Variants in MSRA observed in about 807,000 individuals in gnomAD.
The protein encoded by MSRA is mitochondrial peptide methionine sulfoxide reductase.
A neutral mutation model predicts 31.3 loss-of-function variants in MSRA; 54 were observed. The observed-to-expected ratio is 1.73, with a 90% CI of 1.39 to 2.17. MSRA has a LOEUF of 2.17. Ranked by LOEUF, MSRA falls within the 30% of genes most tolerant of loss-of-function variation. MSRA has a pLI of 0.00. For synonymous variants in MSRA, 169 were observed against 116.5 expected, an observed-to-expected ratio of 1.45 and a Z score of -2.90; for missense variants, 507 against 300.9, an observed-to-expected ratio of 1.69 and a Z score of -5.07.
chr8:10,110,318 A>T (rs1202329154), intron 1 of MSRA, among the ~76,000 whole-genome samples: 1 of 152,082 alleles, frequency 6.6e-6, no homozygotes, highest in African/African-American at 2.4e-5. Context: ...TTATTTCTGG[A>T]TATTTTCAAG....
rs563658777 is a variant in MSRA at position 10,219,669 on chromosome 8, G to A, written c.211+11768G>A. ...AAAATACAAAAAATTAGCTGGGCGT[G>A]GCGGCGGACGCCTGTAGTCCCAGCT... On this transcript the variant is annotated intron_variant, in intron 2 of 5. Transcript: ENST00000317173. Among the ~76,000 whole-genome samples the A allele has an allele frequency of 1.0e-2, 1,517 of 151,874 alleles. 30 individuals are homozygous for A. The highest frequency in any genetic ancestry group is 0.035 in the African/African-American group (1,455 of 41,430).
chr8:10,296,066 T>C (rs567195003), intron 3 of MSRA, among the ~76,000 whole-genome samples: 4 of 152,176 alleles, frequency 2.6e-5, no homozygotes, highest in Non-Finnish European at 5.9e-5. Flanking sequence ...GATTTTTCCC[T>C]TTTGCCACTT....
In MSRA at chr8:10,204,286, GATATTT is replaced by G. The variant is rs529305737; in HGVS notation, c.143-3543_143-3538del. Among the ~76,000 whole-genome samples the G allele has an allele frequency of 5.6e-4, 86 of 152,314 alleles. 1 individual carries two copies. The East Asian group carries it at 0.014, about 25-fold the overall frequency. Reference sequence around the variant, plus strand: ...ACAATTTAGTGTAGCCTAAGTGCGTGATATTTATAAAGTCCGTGGTAGTGTTCAGTA... The same window carrying G: ...ACAATTTAGTGTAGCCTAAGTGCGTGATAAAGTCCGTGGTAGTGTTCAGTA... On this transcript the variant is annotated intron_variant, in intron 1 of 5. Coordinates refer to ENST00000317173, the MANE Select transcript of MSRA (RefSeq NM_012331.5).
At chr8:10,074,418 G>C (rs1279027418) in intron 1 of MSRA, among the ~76,000 whole-genome samples, 3 of 152,028 alleles carry the variant, frequency 2.0e-5, no homozygotes, top group African/African-American at 7.2e-5. Flanking sequence ...GCTTTGAAAA[G>C]TTTGTTGCTT....
intron 2 of MSRA, among the ~76,000 whole-genome samples, chr8:10,236,589 A>C (rs920044007): frequency 2.0e-5 from 3 of 152,200 alleles, no homozygotes; most frequent in Admixed American, 2.0e-4. Flanking sequence ...CGCTCACTCA[A>C]GCTAGAGTGC....
intron 4 of MSRA, among the ~76,000 whole-genome samples, chr8:10,311,083 C>T (rs568365660): frequency 1.3e-5 from 2 of 152,128 alleles, no homozygotes; most frequent in African/African-American, 4.8e-5. Context: ...CTAGACTTCA[C>T]ATAAAAGAGT....
rs2129125523 is a variant in MSRA, at chr8:10,301,568, G to A, written c.366G>A (p.Val122=). The change falls in exon 4 of 6, where the codon GTG becomes GTA. Residue 122 remains valine, a synonymous_variant. Coordinates refer to ENST00000317173, the MANE Select transcript of MSRA (RefSeq NM_012331.5). ...KTGHAEVVRV[V]YQPEHMSFEE... ...GCCATGCAGAAGTCGTCCGAGTGGT[G>A]TACCAGCCAGAACACATGAGTTTTG... 5.6e-6 allele frequency: 9 copies of A among 1,614,084 alleles called. No individual in the cohort carries two copies. The highest frequency in any genetic ancestry group is 7.6e-6 in the Non-Finnish European group (9 of 1,180,008).
At chr8:10,280,675 C>T (rs963438321) in intron 3 of MSRA, among the ~76,000 whole-genome samples, 3 of 152,140 alleles carry the variant, frequency 2.0e-5, no homozygotes, top group Admixed American at 2.0e-4. Flanking sequence ...TAGGTATATA[C>T]CCAAGAGTCA....
chr8:10,420,987 A>G (rs1808779872), intron 5 of MSRA, among the ~76,000 whole-genome samples: 1 of 151,996 alleles, frequency 6.6e-6, no homozygotes, highest in African/African-American at 2.4e-5. Flanking sequence ...ACAGAGTGAG[A>G]CCCTGTCTCC....
intron 4 of MSRA, among the ~76,000 whole-genome samples, chr8:10,319,228 C>A (rs1328519552): frequency 5.9e-5 from 9 of 152,322 alleles, no homozygotes; most frequent in African/African-American, 2.2e-4. Flanking sequence ...GGTTCATTTT[C>A]ACCACAACAT....
At chr8:10,196,903 G>C (rs949235404) in intron 1 of MSRA, among the ~76,000 whole-genome samples, 2 of 152,052 alleles carry the variant, frequency 1.3e-5, no homozygotes, top group African/African-American at 4.8e-5. Flanking sequence ...AGAATAATAA[G>C]TATGATTTGT....
chr8:10,409,657 G>A (rs1378452402), intron 5 of MSRA, among the ~76,000 whole-genome samples: 5 of 152,224 alleles, frequency 3.3e-5, no homozygotes, highest in Admixed American at 2.6e-4. Context: ...GAATGCATAC[G>A]CAGCATCACC....
chr8:10,330,895 T>C (rs565139701), intron 5 of MSRA, among the ~76,000 whole-genome samples: 2 of 152,186 alleles, frequency 1.3e-5, no homozygotes, highest in Non-Finnish European at 2.9e-5. Flanking sequence ...TGTTGAAGCC[T>C]CTACCCCCAG....
chr8:10,389,433 T>C lies in MSRA; in HGVS notation c.544-38715T>C, dbSNP rs377440896. ...CAATATTTTTTAAACGTAGCTGTTA[T>C]GCACTAAATGCCCTGTGAAATTAAT... On this transcript the variant is annotated intron_variant, in intron 5 of 5. Transcript: ENST00000317173. 9.8e-5 allele frequency among the ~76,000 whole-genome samples: 15 copies of C among 152,392 alleles called. No homozygotes were observed. The South Asian group carries it at 2.3e-3, about 23-fold the overall frequency.
intron 5 of MSRA, among the ~76,000 whole-genome samples, chr8:10,414,224 G>A (rs1808325035): frequency 6.6e-6 from 1 of 152,078 alleles, no homozygotes; most frequent in Admixed American, 6.6e-5. Context: ...ATGATTATCT[G>A]GGGGGATGGG....
At chr8:10,062,243 A>C (rs941302507) in intron 1 of MSRA, among the ~76,000 whole-genome samples, 8 of 152,214 alleles carry the variant, frequency 5.3e-5, no homozygotes, top group Admixed American at 5.2e-4. Context: ...CAGCAGCAGC[A>C]GCTGGCTGGC....
chr8:10,096,872 T>G (rs531801301), intron 1 of MSRA, among the ~76,000 whole-genome samples: 1 of 152,328 alleles, frequency 6.6e-6, no homozygotes, highest in South Asian at 2.1e-4. Context: ...GTTTGACTTG[T>G]AGGATTAAGT....
intron 5 of MSRA, among the ~76,000 whole-genome samples, chr8:10,412,157 C>T (rs1008236499): frequency 3.9e-5 from 6 of 152,150 alleles, no homozygotes; most frequent in African/African-American, 1.4e-4. Context: ...GTGAATAGCC[C>T]CTATACAGTC....
chr8:10,244,862 G>A (rs1797531764), intron 2 of MSRA, among the ~76,000 whole-genome samples: 1 of 151,888 alleles, frequency 6.6e-6, no homozygotes, highest in African/African-American at 2.4e-5. Context: ...TTAAATTTGA[G>A]GCCTTCTAAG....
Sources: gnomAD v4.1 joint callset for allele counts (sites outside exome capture counted in the v4.1 genomes callset) on GRCh38, gnomAD v4.1.1 for gene constraint, MANE v1.5 for transcripts, NCBI Gene and HGNC (gene_info 2026-07-23, HGNC 2026-07-21) for gene names.